Variants in SLC5A10 observed in about 807,000 individuals in gnomAD.
SLC5A10 encodes the protein solute carrier family 5 member 10.
A neutral mutation model predicts 68.9 loss-of-function variants in SLC5A10; 55 were observed. The ratio of observed to expected loss-of-function variants is 0.80; its 90% CI spans 0.64 to 1.00. The LOEUF (loss-of-function observed/expected upper bound fraction) is 1.00, where lower values mean the gene tolerates loss of function less well. Ranked by LOEUF, SLC5A10 falls within the 50% of genes least tolerant of loss-of-function variation. The pLI, the probability that SLC5A10 is intolerant of heterozygous loss-of-function variation, is 0.00. For missense variants in SLC5A10, 732 were observed against 819.3 expected (o/e 0.89, Z 1.30); for synonymous variants, 344 against 344.8 (o/e 1.00, Z 0.02).
At chr17:18,993,159 C>G (rs999255877) in intron 9 of SLC5A10, among the ~76,000 whole-genome samples, 5 of 152,184 alleles carry the variant, frequency 3.3e-5, no homozygotes, top group African/African-American at 7.2e-5. Context: ...GGCCCTAAAC[C>G]AACGCATCCT....
At chr17:18,954,657 CG>C (rs1163164631) in intron 1 of SLC5A10, among the ~76,000 whole-genome samples, 1 of 152,030 alleles carries the variant, frequency 6.6e-6, no homozygotes, top group East Asian at 1.9e-4. Flanking sequence ...TGGCGGGGGC[CG>C]GGGGGAGGCC....
intron 11 of SLC5A10, among the ~76,000 whole-genome samples, chr17:19,016,794 C>G (rs767818909): frequency 5.9e-5 from 9 of 152,152 alleles, no homozygotes; most frequent in Non-Finnish European, 1.2e-4. Flanking sequence ...AGCTGTGTGG[C>G]CTGGGGAAGA....
At chr17:18,990,337 G>C (rs570741078) in intron 9 of SLC5A10, among the ~76,000 whole-genome samples, 1 of 152,166 alleles carries the variant, frequency 6.6e-6, no homozygotes, top group African/African-American at 2.4e-5. Context: ...ACTGGGCAGG[G>C]GTGTGTGGTG....
At position 19,021,971 on chromosome 17, in the gene SLC5A10, G is replaced by C. The variant is rs1181975582; in HGVS notation, c.*1540G>C. The stretch of plus-strand genomic sequence containing the variant: ...GCCGCCGGGCTGCTCACAGGTGCAC[G>C]GGCTGCACGTAACTCCGTGGGAAGA... On this transcript the variant is annotated 3_prime_UTR_variant, in exon 15 of 15. Transcript: ENST00000395645. This position sits in a 1 kb window ranked among gnomAD's most constrained non-coding sequence, Gnocchi z 4.1. 1.9e-6 allele frequency: 3 copies of C among 1,561,324 alleles called. No individual in the cohort carries two copies. Among genetic ancestry groups the C allele is most frequent in the Non-Finnish European group, 2.6e-6 (3 of 1,155,210 alleles).
At chr17:18,952,478 G>A in intron 1 of SLC5A10, 162 bp downstream of exon 1, 1 of 801,954 alleles carries the variant, frequency 1.2e-6, no homozygotes, top group Non-Finnish European at 1.9e-6. Context: ...CTTGCTTGGA[G>A]ACCTTGACCA....
At chr17:18,978,458 T>G in intron 9 of SLC5A10, 1 of 1,608,326 alleles carries the variant, frequency 6.2e-7, no homozygotes, top group African/African-American at 1.3e-5. Context: ...GTTGGCCCTC[T>G]CCAGGTGAAG....
chr17:18,970,742 G>C, intron 7 of SLC5A10: 1 of 485,772 alleles, frequency 2.1e-6, no homozygotes, highest in South Asian at 2.4e-5. Flanking sequence ...AGTGACTCCT[G>C]CTGGGCCAGC....
chr17:19,020,221 A>G lies in SLC5A10; in HGVS notation c.1684+9A>G. 6.2e-7 allele frequency: 1 copy of G among 1,610,920 alleles called. No individual in the cohort carries two copies. Among genetic ancestry groups the G allele is most frequent in the Non-Finnish European group, 8.5e-7 (1 of 1,179,298 alleles). On this transcript the variant is annotated intron_variant, in intron 14 of 14. Transcript: ENST00000395645. ...CTTGGGAACTAAAGCAGGTAAGTGG[A>G]TGACCCTAGGCACTCCTCCACCTTG...
Position 18,959,123 on chromosome 17 carries a change from T to C in SLC5A10, c.184-12T>C, listed in dbSNP as rs1006979022. 9.3e-6 allele frequency: 15 copies of C among 1,605,340 alleles called. No homozygotes were observed. The highest frequency in any genetic ancestry group is 1.7e-5 in the Admixed American group (1 of 59,702). On this transcript the variant is annotated splice_polypyrimidine_tract_variant and intron_variant, in intron 2 of 14. Coordinates refer to ENST00000395645, the MANE Select transcript of SLC5A10 (RefSeq NM_001042450.4). ...AGCCTGCTGCTGATGCGTTTCCCTT[T>C]CTCTCCTCCAGATTGGAGCCTCCCT...
intron 9 of SLC5A10, chr17:18,979,000 G>C: frequency 1.2e-6 from 1 of 855,378 alleles, no homozygotes; most frequent in Non-Finnish European, 1.8e-6. Context: ...TGCATACTGT[G>C]GGGTCAGACT....
intron 9 of SLC5A10, among the ~76,000 whole-genome samples, chr17:19,005,730 A>G (rs7218569): frequency 0.29 from 43,810 of 151,574 alleles, 8,724 homozygotes; most frequent in African/African-American, 0.54. Context: ...GGCAATGACT[A>G]GCCTCCTAGG....
At position 18,971,481 on chromosome 17, in the gene SLC5A10, C is replaced by A; in HGVS notation, c.846+263C>A. On this transcript the variant is annotated intron_variant, in intron 8 of 14. Coordinates refer to ENST00000395645, the MANE Select transcript of SLC5A10 (RefSeq NM_001042450.4). This position sits in a 1 kb window ranked among gnomAD's most constrained non-coding sequence, Gnocchi z 5.5. ...TGAGACAGTTTGGAGTATGGGATTC[C>A]GAAGGGACTCGGATGCTCCTCGGTG... 6.2e-7 allele frequency: 1 copy of A among 1,614,010 alleles called. No homozygotes were observed. The highest frequency in any genetic ancestry group is 8.5e-7 in the Non-Finnish European group (1 of 1,180,038).
chr17:19,020,046 C>A (rs1189358621), intron 13 of SLC5A10, 109 bp from the exon 14 acceptor site: 46 of 1,446,248 alleles, frequency 3.2e-5, no homozygotes, highest in Non-Finnish European at 4.0e-5. Context: ...AGCCCCGTCC[C>A]TTTTTGAACT....
At chr17:18,952,574 T>G in intron 1 of SLC5A10, 1 of 395,382 alleles carries the variant, frequency 2.5e-6, no homozygotes, top group African/African-American at 2.1e-5. Context: ...TGGGCTTTTG[T>G]GCTGCTGCCC....
chr17:18,968,972 C>A lies in SLC5A10; in HGVS notation c.454-80C>A. On this transcript the variant is annotated intron_variant, in intron 5 of 14. Coordinates refer to ENST00000395645, the MANE Select transcript of SLC5A10 (RefSeq NM_001042450.4). This position sits in a 1 kb window ranked among gnomAD's most constrained non-coding sequence, Gnocchi z 4.1. ...ACAGGCCACCGAGGCCCAGAGAGGG[C>A]CTTGCCCGAGGTCACCCAGGGAGTG... 1 of 1,421,958 alleles carries A rather than the reference C, an allele frequency of 7.0e-7. No individual in the cohort carries two copies. Among genetic ancestry groups the A allele is most frequent in the Non-Finnish European group, 9.5e-7 (1 of 1,048,730 alleles). The allele number at this position is 1,421,958 out of a possible 1,614,324, so 88.1% of individuals were successfully genotyped here.
chr17:18,961,711 G>T (rs938504085), intron 5 of SLC5A10, among the ~76,000 whole-genome samples: 12 of 152,222 alleles, frequency 7.9e-5, no homozygotes, highest in African/African-American at 2.9e-4. Context: ...AGGGCTACCT[G>T]GGAAGAGGGC....
chr17:18,979,265 A>T, intron 9 of SLC5A10: 1 of 487,382 alleles, frequency 2.1e-6, no homozygotes, highest in Non-Finnish European at 3.7e-6. Context: ...ATCCCTAAGG[A>T]CGGCTCTCAG....
rs114966909 is a variant in SLC5A10 at position 19,000,711 on chromosome 17, T to A, written c.983-12699T>A. 2.3e-3 allele frequency among the ~76,000 whole-genome samples: 355 copies of A among 152,022 alleles called. 1 individual carries two copies. The highest frequency in any genetic ancestry group is 8.4e-3 in the African/African-American group (350 of 41,466). ...CGGCAAGGCGGCCCAGGCAGAGGGA[T>A]CCCCATCCTAGGCAGGGGGCAGGCA... On this transcript the variant is annotated intron_variant, in intron 9 of 14. Transcript: ENST00000395645. The surrounding 1 kb of genome is among the most constrained non-coding windows in gnomAD (Gnocchi z 5.2).
chr17:18,995,518 A>G (rs1401815448), intron 9 of SLC5A10, among the ~76,000 whole-genome samples: 1 of 152,228 alleles, frequency 6.6e-6, no homozygotes, highest in East Asian at 1.9e-4. Flanking sequence ...GTGTAATTGC[A>G]GTCTCAGAAG....
Sources: allele counts gnomAD v4.1 joint callset (sites outside exome capture counted in the v4.1 genomes callset), GRCh38; gene constraint gnomAD v4.1.1; non-coding constraint Gnocchi (gnomAD v3.1); transcripts MANE v1.5; gene names NCBI Gene and HGNC (gene_info 2026-07-23, HGNC 2026-07-21).